TRIM24: variants seen among roughly 807,000 people sequenced by gnomAD.
TRIM24 encodes the protein transcription intermediary factor 1-alpha.
A neutral mutation model predicts 123.9 loss-of-function variants in TRIM24; 29 were observed. That is an observed-to-expected ratio of 0.23 (90% CI 0.17 to 0.32). TRIM24 has a LOEUF of 0.32. Among genes scored for constraint, TRIM24 ranks in the 10% least tolerant of loss-of-function variants. The probability of loss-of-function intolerance (pLI) is 1.00; values close to 1 mark genes in which losing one functional copy is unlikely to be tolerated. For missense variants in TRIM24, 932 were observed against 1,295.3 expected (o/e 0.72, Z 4.31); for synonymous variants, 456 against 461.1 (o/e 0.99, Z 0.14).
chr7:138,476,450 G>T (rs148933829), intron 1 of TRIM24, among the ~76,000 whole-genome samples: 1 of 152,020 alleles, frequency 6.6e-6, no homozygotes, highest in Non-Finnish European at 1.5e-5. Context: ...AAAATTAGCC[G>T]GGCATGGTGG....
chr7:138,509,064 T>C (rs1345918915), intron 2 of TRIM24, among the ~76,000 whole-genome samples: 1 of 152,028 alleles, frequency 6.6e-6, no homozygotes, highest in East Asian at 1.9e-4. Context: ...TTTTCCTGCC[T>C]CAGCCTCCCG....
intron 1 of TRIM24, among the ~76,000 whole-genome samples, chr7:138,488,838 G>T (rs1795712640): frequency 6.6e-6 from 1 of 152,138 alleles, no homozygotes; most frequent in Admixed American, 6.6e-5. Flanking sequence ...ATTTGGGGTG[G>T]AGAGTTCTGT....
chr7:138,478,016 T>G (rs932808182), intron 1 of TRIM24, among the ~76,000 whole-genome samples: 6 of 152,202 alleles, frequency 3.9e-5, no homozygotes, highest in African/African-American at 1.4e-4. Context: ...AATTCGAGAA[T>G]GAAATTGCTT....
chr7:138,537,292 A>G (rs1796901401), intron 6 of TRIM24, among the ~76,000 whole-genome samples: 2 of 145,746 alleles, frequency 1.4e-5, no homozygotes, highest in African/African-American at 5.2e-5. Context: ...GAAATCACCC[A>G]TCTTCTGCGT....
At chr7:138,519,561 A>T (rs959715795) in intron 4 of TRIM24, among the ~76,000 whole-genome samples, 1 of 152,286 alleles carries the variant, frequency 6.6e-6, no homozygotes, top group South Asian at 2.1e-4. Flanking sequence ...TCTACCAACT[A>T]GTTACCAGTA....
At position 138,583,910 on chromosome 7, in the gene TRIM24, C is replaced by G; in HGVS notation, c.2854C>G (p.Leu952Val). 6.2e-7 allele frequency: 1 copy of G among 1,600,396 alleles called. No homozygotes were observed. The highest frequency in any genetic ancestry group is 8.5e-7 in the Non-Finnish European group (1 of 1,173,952). ...PMDLSTIKKR[L>V]QEDYSMYSKP... Reference sequence around the variant, plus strand: ...GGATTTGTCAACCATCAAGAAAAGACTACAAGAAGATTATTCCATGTACTC... The same window carrying G: ...GGATTTGTCAACCATCAAGAAAAGAGTACAAGAAGATTATTCCATGTACTC... The change falls in exon 18 of 19, where the codon CTA (leucine) becomes GTA (valine). Residue 952 changes from leucine (L) to valine (V), a missense_variant. By Grantham distance (32) the Leu-to-Val change is conservative. Coordinates refer to ENST00000343526, the MANE Select transcript of TRIM24 (RefSeq NM_015905.3).
At chr7:138,490,817 C>A (rs1795764747) in intron 1 of TRIM24, 1 of 466,400 alleles carries the variant, frequency 2.1e-6, no homozygotes, top group South Asian at 1.6e-5. Context: ...ATGTATTGAC[C>A]ACATCTTTCA....
rs375840246 is a variant in TRIM24 at position 138,538,646 on chromosome 7, C to G, written c.997-11C>G. The G allele has an allele frequency of 6.2e-7, 1 of 1,613,430 alleles. No homozygotes were observed. Among genetic ancestry groups the G allele is most frequent in the Non-Finnish European group, 8.5e-7 (1 of 1,179,630 alleles). On this transcript the variant is annotated splice_polypyrimidine_tract_variant and intron_variant, in intron 6 of 18. Transcript: ENST00000343526. ...CTGATACTAATTTTGAAACTATTTT[C>G]TTGTTTTCAGAGCCTTGCAAAGGAC...
intron 1 of TRIM24, among the ~76,000 whole-genome samples, chr7:138,503,165 C>A (rs1258971430): frequency 6.6e-6 from 1 of 151,574 alleles, no homozygotes; most frequent in African/African-American, 2.4e-5. Context: ...AAAAAAATCA[C>A]ACCATTTTAA....
rs1384899382 is a variant in TRIM24 at position 138,586,948 on chromosome 7, G to C, written c.*1997G>C. The C allele has an allele frequency of 6.6e-6, 1 of 152,148 alleles. No homozygotes were observed. The highest frequency in any genetic ancestry group is 1.5e-5 in the Non-Finnish European group (1 of 68,042). The allele number at this position is 152,148 out of a possible 1,614,324, so 9.4% of individuals were successfully genotyped here. ...CCCCAAACTGTCACTATTACATTCA[G>C]TGCCATATTTATCTTTCAAAACAGT... is the stretch of plus-strand genomic sequence containing the variant. On this transcript the variant is annotated 3_prime_UTR_variant, in exon 19 of 19. Transcript: ENST00000343526.
chr7:138,466,843 T>G (rs1795152848), intron 1 of TRIM24, among the ~76,000 whole-genome samples: 1 of 152,224 alleles, frequency 6.6e-6, no homozygotes. Flanking sequence ...TAATGACTTT[T>G]GTGTCCTATC....
At chr7:138,517,621 G>A (rs934011483) in intron 3 of TRIM24, among the ~76,000 whole-genome samples, 3 of 152,058 alleles carry the variant, frequency 2.0e-5, no homozygotes, top group Non-Finnish European at 4.4e-5. Context: ...TGATCCACCC[G>A]CCTTGGGCTC....
At chr7:138,487,006 T>C (rs1795662255) in intron 1 of TRIM24, among the ~76,000 whole-genome samples, 1 of 152,218 alleles carries the variant, frequency 6.6e-6, no homozygotes, top group African/African-American at 2.4e-5. Context: ...TGTCCTCTTT[T>C]ATTTTGTTGA....
chr7:138,484,207 T>C (rs143243269), intron 1 of TRIM24, among the ~76,000 whole-genome samples: 3,218 of 152,012 alleles, frequency 0.021, 94 homozygotes, highest in African/African-American at 0.071. Context: ...CCTCCCGGGT[T>C]CAAGTTATTC....
At chr7:138,467,474 T>A (rs1329343942) in intron 1 of TRIM24, among the ~76,000 whole-genome samples, 1 of 152,216 alleles carries the variant, frequency 6.6e-6, no homozygotes, top group African/African-American at 2.4e-5. Flanking sequence ...CCTGAGTAGC[T>A]GGGACTATAG....
intron 12 of TRIM24, 58 bp from the exon 13 acceptor site, chr7:138,576,314 AG>A: frequency 6.8e-7 from 1 of 1,474,958 alleles, no homozygotes; most frequent in South Asian, 1.1e-5. Flanking sequence ...CACATTCAAC[AG>A]GACTTCAATG....
intron 9 of TRIM24, 21 bp from the exon 10 acceptor site, chr7:138,567,460 G>T: frequency 6.3e-7 from 1 of 1,590,678 alleles, no homozygotes; most frequent in South Asian, 1.2e-5. Flanking sequence ...TTACTAAATT[G>T]GTTTAATTTC....
At chr7:138,491,945 G>T (rs999202447) in intron 1 of TRIM24, among the ~76,000 whole-genome samples, 3 of 144,840 alleles carry the variant, frequency 2.1e-5, no homozygotes, top group African/African-American at 7.4e-5. Flanking sequence ...GTGCTTGTTG[G>T]TTGCTGTTTT....
At chr7:138,541,633 A>G (rs143122072) in intron 7 of TRIM24, among the ~76,000 whole-genome samples, 532 of 152,304 alleles carry the variant, frequency 3.5e-3, no homozygotes, top group African/African-American at 0.012. Flanking sequence ...CATTGGCTTC[A>G]ATTTCAAGTC....
Sources: gnomAD v4.1 joint callset for allele counts (sites outside exome capture counted in the v4.1 genomes callset) on GRCh38, gnomAD v4.1.1 for gene constraint, MANE v1.5 for transcripts, NCBI Gene and HGNC (gene_info 2026-07-23, HGNC 2026-07-21) for gene names.